The following UBE3D variants were observed in gnomAD, a reference collection of about 807,000 sequenced individuals.
The protein encoded by UBE3D is ubiquitin protein ligase E3D.
UBE3D carries 48 observed loss-of-function variants against 49.6 expected under a neutral mutation model. The observed-to-expected ratio is 0.97, with a 90% confidence interval of 0.77 to 1.23. The LOEUF is 1.23. Among genes scored for constraint, UBE3D ranks in the 50% most tolerant of loss-of-function variants. UBE3D has a pLI of 0.00. For missense variants in UBE3D, 452 were observed against 468.4 expected, an observed-to-expected ratio of 0.96 and a Z score of 0.32; for synonymous variants, 189 against 174.2, an observed-to-expected ratio of 1.08 and a Z score of -0.67.
At chr6:82,886,896 C>T in the UBE3D span, among the ~76,000 whole-genome samples, 1 of 152,144 alleles carries the variant, frequency 6.6e-6, no homozygotes, top group South Asian at 2.1e-4. Flanking sequence ...TCTTTTGTTA[C>T]ATTATGAACC....
chr6:82,959,213 CCTAA>C lies in UBE3D; in HGVS notation c.1011-1767_1011-1764del, dbSNP rs536534534. On this transcript the variant is annotated intron_variant, in intron 8 of 9. Transcript: ENST00000369747. ...TCTTTACATACAACTTGTCAAGACC[CCTAA>C]CTGTTTTTAAAAAGTTCCCCCACCC... Among the ~76,000 whole-genome samples, 440 of 151,464 alleles carry C rather than the reference CCTAA, an allele frequency of 2.9e-3. 2 individuals are homozygous for C. The highest frequency in any genetic ancestry group is 0.01 in the African/African-American group (422 of 41,264).
rs117054253 is a variant in UBE3D, at chr6:82,925,669, T to G, written c.1149+31643A>C. ...ATGTTGGGCTCTGTTCTTGGCTGCA[T>G]GCTTAACTGCCCAATATCCTTCACT... On this transcript the variant is annotated intron_variant, in intron 9 of 9. Transcript: ENST00000369747. Among the ~76,000 whole-genome samples, 517 of 152,236 alleles carry G rather than the reference T, an allele frequency of 3.4e-3. 8 individuals are homozygous for G. The highest frequency in any genetic ancestry group is 0.024 in the East Asian group (123 of 5,174).
intron 8 of UBE3D, among the ~76,000 whole-genome samples, chr6:82,976,749 C>T (rs1246439621): frequency 1.3e-5 from 2 of 152,174 alleles, no homozygotes; most frequent in Non-Finnish European, 2.9e-5. Context: ...CAGGCAGTAA[C>T]TCAGAGTCTC....
chr6:83,026,321 T>C (rs1311809432), intron 5 of UBE3D, among the ~76,000 whole-genome samples: 1 of 151,748 alleles, frequency 6.6e-6, no homozygotes, highest in Non-Finnish European at 1.5e-5. Flanking sequence ...CAGAGTGGCA[T>C]GTGCCTGTAG....
chr6:83,006,021 T>A (rs974875349), intron 8 of UBE3D, among the ~76,000 whole-genome samples: 1 of 152,044 alleles, frequency 6.6e-6, no homozygotes, highest in African/African-American at 2.4e-5. Flanking sequence ...GGCCAGGAGT[T>A]TGAGACCAGC....
intron 8 of UBE3D, among the ~76,000 whole-genome samples, chr6:82,981,560 TA>T (rs975370593): frequency 1.8e-4 from 27 of 146,354 alleles, no homozygotes; most frequent in Non-Finnish European, 2.1e-4. Flanking sequence ...AGCATTTTCC[TA>T]AAAAAAAAAA....
chr6:83,040,579 A>G (rs1782604264), intron 4 of UBE3D, among the ~76,000 whole-genome samples: 1 of 152,226 alleles, frequency 6.6e-6, no homozygotes, highest in Non-Finnish European at 1.5e-5. Flanking sequence ...ATCCCTTCAT[A>G]CACTGAATTA....
At chr6:82,893,102 T>A in intron 9 of UBE3D, 60 bp from the exon 10 acceptor site, 1 of 1,593,546 alleles carries the variant, frequency 6.3e-7, no homozygotes, top group Non-Finnish European at 8.6e-7. Context: ...AATGGCTGCA[T>A]GTACATCAAA....
At chr6:82,903,603 C>T (rs1245685601) in intron 9 of UBE3D, among the ~76,000 whole-genome samples, 1 of 152,060 alleles carries the variant, frequency 6.6e-6, no homozygotes, top group Non-Finnish European at 1.5e-5. Flanking sequence ...AAAATGTAAC[C>T]AGGTGCTCAT....
At chr6:82,999,585 A>C (rs1294575254) in intron 8 of UBE3D, among the ~76,000 whole-genome samples, 1 of 152,048 alleles carries the variant, frequency 6.6e-6, no homozygotes, top group Non-Finnish European at 1.5e-5. Context: ...GGGTTTCACC[A>C]TGTTGGCCAG....
Position 82,997,377 on chromosome 6 carries a change from A to G in UBE3D, c.1010+21596T>C, listed in dbSNP as rs1222689616. 3.3e-5 allele frequency among the ~76,000 whole-genome samples: 5 copies of G among 152,172 alleles called. No homozygotes were observed. The East Asian group carries it at 9.6e-4, about 29-fold the overall frequency. On this transcript the variant is annotated intron_variant, in intron 8 of 9. Coordinates refer to ENST00000369747, the MANE Select transcript of UBE3D (RefSeq NM_198920.3). ...CTGAGAAGACATAATGGGGTGAAAA[A>G]TAAATTGCAGAAGGACACTATGGTA...
chr6:82,933,337 T>C (rs1774312419), intron 9 of UBE3D, among the ~76,000 whole-genome samples: 1 of 152,220 alleles, frequency 6.6e-6, no homozygotes, highest in African/African-American at 2.4e-5. Context: ...AATAATCCAG[T>C]GAATAGTGAG....
chr6:82,931,947 G>A (rs1774188011), intron 9 of UBE3D, among the ~76,000 whole-genome samples: 2 of 152,122 alleles, frequency 1.3e-5, no homozygotes, highest in East Asian at 3.9e-4. Flanking sequence ...GACCCGGTGT[G>A]AGGTAATTGA....
Position 83,058,000 on chromosome 6 carries a change from G to A in UBE3D, c.100C>T (p.Pro34Ser), listed in dbSNP as rs1348878137. ...GATGGCATTATGGAAATATTCATGG[G>A]CATACCTCCTTCTTTCGGTTCTCTG... The part of the protein sequence containing the change: ...ILGEPKEGGM[P>S]MNISIMPSSL... The change falls in exon 2 of 10, where the codon CCC becomes TCC. Residue 34 changes from proline to serine, a missense_variant. Physicochemically the swap from Pro to Ser is moderately conservative, Grantham distance 74. Coordinates refer to ENST00000369747, the MANE Select transcript of UBE3D (RefSeq NM_198920.3). 2 of 1,613,926 alleles carry A rather than the reference G, an allele frequency of 1.2e-6. No individual in the cohort carries two copies. Among genetic ancestry groups the A allele is most frequent in the Admixed American group, 3.3e-5 (2 of 59,982 alleles).
chr6:82,951,642 G>A (rs573967159), intron 9 of UBE3D, among the ~76,000 whole-genome samples: 2 of 152,318 alleles, frequency 1.3e-5, no homozygotes, highest in South Asian at 4.1e-4. Flanking sequence ...GCAGTGTACA[G>A]AGTGGATGAG....
chr6:82,920,376 A>C (rs148603342), intron 9 of UBE3D, among the ~76,000 whole-genome samples: 59 of 152,370 alleles, frequency 3.9e-4, no homozygotes, highest in African/African-American at 1.2e-3. Flanking sequence ...CCTTTGATAC[A>C]TATATCTTTT....
In UBE3D at chr6:82,972,620, C is replaced by T. The variant is rs1170724622; in HGVS notation, c.1011-15170G>A. ...AATATAAGCTATATGTTGGAAATAC[C>T]CTGGTTTTAGTTCAGATACTTAAAA... On this transcript the variant is annotated intron_variant, in intron 8 of 9. Coordinates refer to ENST00000369747, the MANE Select transcript of UBE3D (RefSeq NM_198920.3). Among the ~76,000 whole-genome samples the T allele has an allele frequency of 3.3e-5, 5 of 152,086 alleles. No homozygotes were observed. The South Asian group carries it at 1.0e-3, about 32-fold the overall frequency.
rs1356847124 is a variant in UBE3D, at chr6:82,966,413, G to A, written c.1011-8963C>T. On this transcript the variant is annotated intron_variant, in intron 8 of 9. Transcript: ENST00000369747. ...CGCCTGTAATCCCAGCACTTTGGGA[G>A]GCCGAGGCGGGCGGATCACGAGGTC... Among the ~76,000 whole-genome samples the A allele has an allele frequency of 2.8e-5, 2 of 72,146 alleles. 1 individual carries two copies. The highest frequency in any genetic ancestry group is 5.7e-5 in the Non-Finnish European group (2 of 34,842). 47.3% of individuals were successfully genotyped at this position (72,146 alleles called of 152,430 possible).
At chr6:82,898,758 A>G (rs6907782) in intron 9 of UBE3D, among the ~76,000 whole-genome samples, 25 of 152,208 alleles carry the variant, frequency 1.6e-4, no homozygotes, top group African/African-American at 5.8e-4. Context: ...GCAAACCACC[A>G]TGGCACATGT....
Sources: allele counts gnomAD v4.1 joint callset (sites outside exome capture counted in the v4.1 genomes callset), GRCh38; gene constraint gnomAD v4.1.1; transcripts MANE v1.5; gene names NCBI Gene and HGNC (gene_info 2026-07-23, HGNC 2026-07-21).